Variants in LZTFL1 observed in about 807,000 individuals in gnomAD.
LZTFL1 encodes leucine zipper transcription factor like 1.
Under a neutral mutation model 45.9 loss-of-function variants are expected in LZTFL1, and 25 were observed. The ratio of observed to expected loss-of-function variants is 0.54; its 90% CI spans 0.40 to 0.76. The LOEUF (loss-of-function observed/expected upper bound fraction) is 0.76, where lower values mean the gene tolerates loss of function less well. Ranked by LOEUF, LZTFL1 falls within the 30% of genes least tolerant of loss-of-function variation. LZTFL1 has a pLI of 0.00. For synonymous variants in LZTFL1, 93 were observed against 117.4 expected (o/e 0.79, Z 1.35); for missense variants, 277 against 331.1 (o/e 0.84, Z 1.27).
At chr3:45,890,326 TATATATATAAC>T (rs1188409715) in intron 2 of LZTFL1, among the ~76,000 whole-genome samples, 1 of 95,098 alleles carries the variant, frequency 1.1e-5, no homozygotes, top group Non-Finnish European at 1.8e-5. Flanking sequence ...TTTATATAAA[TATATATATAAC>T]ATATATATAT....
At chr3:45,866,422 GCT>G (rs1396199760) in intron 2 of LZTFL1, among the ~76,000 whole-genome samples, 1 of 152,104 alleles carries the variant, frequency 6.6e-6, no homozygotes, top group Non-Finnish European at 1.5e-5. Context: ...ACATTTTGGG[GCT>G]TTTTCTTCCA....
intron 3 of LZTFL1, among the ~76,000 whole-genome samples, chr3:45,858,023 A>G (rs1701421757): frequency 6.6e-6 from 1 of 152,214 alleles, no homozygotes; most frequent in African/African-American, 2.4e-5. Flanking sequence ...ATGTCTGCTA[A>G]TTTTGTGCTT....
Position 45,835,614 on chromosome 3 carries a change from G to C in LZTFL1, c.299C>G (p.Thr100Arg). The change falls in exon 3 of 10, where the codon ACA becomes AGA. Residue 100 changes from threonine (T) to arginine (R), a missense_variant. By Grantham distance (71) the Thr-to-Arg change is moderately conservative. Coordinates refer to ENST00000296135, the MANE Select transcript of LZTFL1 (RefSeq NM_020347.4). Reference sequence around the variant, plus strand: ...CCGGTTTTCAAGTTCAGAGATGTCTGTCTGTAGCTTAAGATACCACTTCTC... The same window carrying C: ...CCGGTTTTCAAGTTCAGAGATGTCTCTCTGTAGCTTAAGATACCACTTCTC... Reference protein sequence around the residue: ...QAEKWYLKLQTDISELENREL... With the variant: ...QAEKWYLKLQRDISELENREL... 1 of 1,614,098 alleles carries C rather than the reference G, an allele frequency of 6.2e-7. No homozygotes were observed. The highest frequency in any genetic ancestry group is 8.5e-7 in the Non-Finnish European group (1 of 1,179,994).
intron 2 of LZTFL1, among the ~76,000 whole-genome samples, chr3:45,860,329 T>C (rs1464708959): frequency 6.6e-6 from 1 of 152,098 alleles, no homozygotes; most frequent in African/African-American, 2.4e-5. Flanking sequence ...TAGGGATGTA[T>C]ATGCATATAG....
rs1383905425 is a variant in LZTFL1 at position 45,849,942 on chromosome 3, C to T, written c.-49+5044G>A. 2.0e-5 allele frequency among the ~76,000 whole-genome samples: 3 copies of T among 152,202 alleles called. No individual in the cohort carries two copies. The East Asian group carries it at 5.8e-4, about 29-fold the overall frequency. ...GAGATTTAATGTATGAATTTCTATA[C>T]TTGATTTTGTGTAAGAGAAGCCGTG... is the stretch of plus-strand genomic sequence containing the variant. On this transcript the variant is annotated intron_variant, in intron 4 of 4. Coordinates refer to the LZTFL1 transcript ENST00000472635.
At chr3:45,860,061 A>G (rs866747775) in intron 2 of LZTFL1, among the ~76,000 whole-genome samples, 3 of 152,276 alleles carry the variant, frequency 2.0e-5, no homozygotes, top group Non-Finnish European at 4.4e-5. Context: ...TTTAAGGGAG[A>G]GAAAAAGAAA....
In LZTFL1 at chr3:45,824,543, A is replaced by C. The variant is rs1304404576; in HGVS notation, c.*1771T>G. ...TTTGAATTTATTATTAAACAATAGG[A>C]ACGTACTGTACAGAATATTTCAAAA... On this transcript the variant is annotated 3_prime_UTR_variant, in exon 10 of 10. Transcript: ENST00000296135. 2 of 324,994 alleles carry C rather than the reference A, an allele frequency of 6.2e-6. No homozygotes were observed. Among genetic ancestry groups the C allele is most frequent in the African/African-American group, 4.2e-5 (2 of 47,196 alleles). 20.1% of individuals were successfully genotyped at this position (324,994 alleles called of 1,614,324 possible). A position where few individuals can be genotyped will look rare whatever the true frequency, so the allele number is the denominator to read the frequency against.
In LZTFL1 at chr3:45,901,620, A is replaced by T; in HGVS notation, c.-215+11500T>A. On this transcript the variant is annotated intron_variant, in intron 2 of 4. Transcript: ENST00000472635. This position sits in a 1 kb window ranked among gnomAD's most constrained non-coding sequence, Gnocchi z 4.3. The stretch of plus-strand genomic sequence containing the variant: ...CTACAACTGCATTTTGTTGGTGCAG[A>T]CCATTGACGCCTATGCCATGTTCAT... The T allele has an allele frequency of 1.9e-6, 3 of 1,614,222 alleles. No individual in the cohort carries two copies. The highest frequency in any genetic ancestry group is 2.5e-6 in the Non-Finnish European group (3 of 1,180,042).
chr3:45,890,335 A>ATATAAAT lies in LZTFL1; in HGVS notation c.-215+22784_-215+22785insATTTATA, dbSNP rs1553616543. On this transcript the variant is annotated intron_variant, in intron 2 of 4. Coordinates refer to the LZTFL1 transcript ENST00000472635. ...TATATATTTATATAAATATATATAT[A>ATATAAAT]ACATATATATATAACATATATATAT... 4.2e-4 allele frequency among the ~76,000 whole-genome samples: 26 copies of ATATAAAT among 61,742 alleles called. 4 individuals carry two copies. Among genetic ancestry groups the ATATAAAT allele is most frequent in the East Asian group, 1.9e-3 (4 of 2,102 alleles). 40.5% of individuals were successfully genotyped at this position (61,742 alleles called of 152,430 possible). A position where few individuals can be genotyped will look rare whatever the true frequency, so the allele number is the denominator to read the frequency against.
intron 2 of LZTFL1, among the ~76,000 whole-genome samples, chr3:45,905,915 C>T (rs954394191): frequency 6.6e-6 from 1 of 152,194 alleles, no homozygotes; most frequent in African/African-American, 2.4e-5. Flanking sequence ...TCTGGCTTGG[C>T]AAATGCTGGT....
rs775184107 is a variant in LZTFL1, at chr3:45,901,255, C to T, written c.-215+11865G>A. On this transcript the variant is annotated intron_variant, in intron 2 of 4. Transcript: ENST00000472635. The surrounding 1 kb of genome is among the most constrained non-coding windows in gnomAD (Gnocchi z 4.3). ...ATTGCCCAGGCCATGAGAGCACATACTTGGAGGGAGAAAAGGCTTTTGTAC... is the reference window on the plus strand; with the variant it reads ...ATTGCCCAGGCCATGAGAGCACATATTTGGAGGGAGAAAAGGCTTTTGTAC... The T allele has an allele frequency of 1.2e-6, 2 of 1,614,194 alleles. No individual in the cohort carries two copies. The highest frequency in any genetic ancestry group is 3.3e-5 in the Admixed American group (2 of 60,024).
chr3:45,895,584 T>C (rs1702327625), intron 2 of LZTFL1, among the ~76,000 whole-genome samples: 1 of 152,232 alleles, frequency 6.6e-6, no homozygotes, highest in Non-Finnish European at 1.5e-5. Context: ...TGTGGTGGCA[T>C]GCGCATGTAA....
chr3:45,833,627 A>G (rs902409343), intron 4 of LZTFL1, among the ~76,000 whole-genome samples: 8 of 152,220 alleles, frequency 5.3e-5, no homozygotes, highest in Non-Finnish European at 8.8e-5. Flanking sequence ...AAAATAATTC[A>G]TGCCCTCTGA....
At chr3:45,843,731 G>C (rs1341045111), upstream of LZTFL1, among the ~76,000 whole-genome samples, 1 of 152,186 alleles carries the variant, frequency 6.6e-6, no homozygotes, top group Non-Finnish European at 1.5e-5. Context: ...CTACCCAACA[G>C]AGTTGAGTGT....
upstream of LZTFL1, among the ~76,000 whole-genome samples, chr3:45,844,273 C>T (rs1352424391): frequency 2.6e-5 from 4 of 151,966 alleles, no homozygotes; most frequent in African/African-American, 9.7e-5. Flanking sequence ...CTGTTGTGTG[C>T]AAGGTTCTGT....
At chr3:45,838,092 T>A (rs368537744) in intron 1 of LZTFL1, 41 bp from the exon 2 acceptor site, 12 of 1,560,892 alleles carry the variant, frequency 7.7e-6, no homozygotes, top group East Asian at 4.6e-5. Context: ...GTTTTGAAGA[T>A]CTGATCAAAG....
intron 4 of LZTFL1, among the ~76,000 whole-genome samples, chr3:45,850,349 A>T (rs1407445551): frequency 6.6e-6 from 1 of 152,174 alleles, no homozygotes; most frequent in East Asian, 1.9e-4. Context: ...ATGCATGAGT[A>T]TGCAGAGGCT....
intron 2 of LZTFL1, among the ~76,000 whole-genome samples, chr3:45,875,996 G>A (rs1327686176): frequency 5.3e-5 from 8 of 152,190 alleles, no homozygotes; most frequent in Admixed American, 1.3e-4. Context: ...TAGGACATTC[G>A]GTTAGCTGCT....
chr3:45,909,643 A>G (rs929904523), intron 2 of LZTFL1, among the ~76,000 whole-genome samples: 1 of 152,264 alleles, frequency 6.6e-6, no homozygotes, highest in Non-Finnish European at 1.5e-5. Flanking sequence ...TGGAGACTGG[A>G]TGGACTCTTC....
Sources: gnomAD v4.1 joint callset for allele counts (sites outside exome capture counted in the v4.1 genomes callset) on GRCh38, gnomAD v4.1.1 for gene constraint, Gnocchi (gnomAD v3.1) non-coding constraint, MANE v1.5 for transcripts, NCBI Gene and HGNC (gene_info 2026-07-23, HGNC 2026-07-21) for gene names.